The following SMYD1 variants were observed in gnomAD, a reference collection of about 807,000 sequenced individuals.
SMYD1 encodes the protein SET and MYND domain containing 1.
A neutral mutation model predicts 54.0 loss-of-function variants in SMYD1; 49 were observed. The observed-to-expected ratio is 0.91, with a 90% confidence interval of 0.72 to 1.15. SMYD1 has a LOEUF of 1.15. Among genes scored for constraint, SMYD1 ranks in the 50% most tolerant of loss-of-function variants. The pLI is 0.00. For synonymous variants in SMYD1, 269 were observed against 234.2 expected (o/e 1.15, Z -1.36); for missense variants, 653 against 639.6 (o/e 1.02, Z -0.23).
intron 7 of SMYD1, among the ~76,000 whole-genome samples, chr2:88,104,154 G>T (rs900894460): frequency 1.3e-5 from 2 of 152,052 alleles, no homozygotes; most frequent in African/African-American, 4.8e-5. Context: ...TTTCAGTAGA[G>T]AAGGGGTTTC....
At chr2:88,084,025 C>T (rs762397119) in intron 1 of SMYD1, among the ~76,000 whole-genome samples, 8 of 151,874 alleles carry the variant, frequency 5.3e-5, no homozygotes, top group Non-Finnish European at 7.4e-5. Context: ...ACCTGGGAGG[C>T]GGAGGTTGCA....
chr2:88,112,065 C>T lies in SMYD1; in HGVS notation c.*1553C>T. ...ACTTTTGCAAAATACTTGTATCTGACACTTAGGTCTTGTTTGAAGAATTTC... is the reference window on the plus strand; with the variant it reads ...ACTTTTGCAAAATACTTGTATCTGATACTTAGGTCTTGTTTGAAGAATTTC... On this transcript the variant is annotated 3_prime_UTR_variant, in exon 10 of 10. Transcript: ENST00000419482. The T allele has an allele frequency of 1.4e-6, 1 of 703,170 alleles. No homozygotes were observed. 43.6% of individuals were successfully genotyped at this position (703,170 alleles called of 1,614,324 possible). A position where few individuals can be genotyped will look rare whatever the true frequency, so the allele number is the denominator to read the frequency against.
chr2:88,084,458 A>T lies in SMYD1; in HGVS notation c.280A>T (p.Lys94Ter). The part of the protein sequence containing the change: ...LNHKNECSAI[K>*]RYGKVPNENI... ...CCACAAGAATGAATGTTCGGCCATC[A>T]AGAGATATGGGAAGGTGCCCAATGA... is the stretch of plus-strand genomic sequence containing the variant. Residue 94 changes from lysine (K) to a stop codon, truncating the protein, a stop_gained, in exon 2 of 10, where the codon AAG becomes TAG. Transcript: ENST00000419482. LOFTEE classifies it high-confidence loss of function. The T allele has an allele frequency of 6.2e-7, 1 of 1,603,302 alleles. No homozygotes were observed. Among genetic ancestry groups the T allele is most frequent in the Non-Finnish European group, 8.5e-7 (1 of 1,171,282 alleles).
intron 8 of SMYD1, among the ~76,000 whole-genome samples, chr2:88,106,803 T>A (rs983983156): frequency 6.6e-6 from 1 of 152,174 alleles, no homozygotes; most frequent in Non-Finnish European, 1.5e-5. Context: ...TTTTAAGTGA[T>A]TGGACCCTGC....
intron 5 of SMYD1, among the ~76,000 whole-genome samples, chr2:88,095,840 C>G (rs886797165): frequency 7.9e-5 from 12 of 152,162 alleles, no homozygotes; most frequent in African/African-American, 2.7e-4. Flanking sequence ...GGGTTTTTAC[C>G]TTCAACATCT....
chr2:88,096,662 C>T lies in SMYD1; in HGVS notation c.766C>T (p.Leu256Phe), dbSNP rs746868118. 2.5e-6 allele frequency: 4 copies of T among 1,614,192 alleles called. No homozygotes were observed. The South Asian group carries it at 3.3e-5, about 13-fold the overall frequency. ...GCTGACTGTGTCCTATATTGACTTCCTCAACGTTAGTGAAGAACGCAAGAG... is the reference window on the plus strand; with the variant it reads ...GCTGACTGTGTCCTATATTGACTTCTTCAACGTTAGTGAAGAACGCAAGAG... ...EELTVSYIDF[L>F]NVSEERKRQL... Residue 256 changes from leucine (L) to phenylalanine (F), a missense_variant, in exon 6 of 10, where the codon CTC becomes TTC. By Grantham distance (22) the Leu-to-Phe change is conservative. Coordinates refer to ENST00000419482, the MANE Select transcript of SMYD1 (RefSeq NM_198274.4).
At chr2:88,100,735 C>T (rs760826099) in intron 6 of SMYD1, among the ~76,000 whole-genome samples, 2 of 152,166 alleles carry the variant, frequency 1.3e-5, no homozygotes, top group African/African-American at 2.4e-5. Context: ...TTCCGGGGCA[C>T]AAGGCAGCAG....
intron 1 of SMYD1, among the ~76,000 whole-genome samples, chr2:88,079,934 G>A (rs1674151798): frequency 6.6e-6 from 1 of 152,160 alleles, no homozygotes; most frequent in Non-Finnish European, 1.5e-5. Context: ...AAATCCATAA[G>A]GGTCTAAGTT....
chr2:88,088,150 T>C (rs1674383603), intron 3 of SMYD1, 75 bp downstream of exon 3: 1 of 1,434,552 alleles, frequency 7.0e-7, no homozygotes, highest in Admixed American at 2.3e-5. Context: ...TTGGGGAGGG[T>C]GGGGCTTCTC....
intron 1 of SMYD1, among the ~76,000 whole-genome samples, chr2:88,075,138 G>A (rs959475489): frequency 1.3e-5 from 2 of 152,188 alleles, no homozygotes; most frequent in Non-Finnish European, 2.9e-5. Flanking sequence ...AACCACAGTC[G>A]ACTTAGAATT....
At chr2:88,108,950 G>C (rs1366003254) in intron 9 of SMYD1, among the ~76,000 whole-genome samples, 2 of 152,176 alleles carry the variant, frequency 1.3e-5, no homozygotes, top group African/African-American at 4.8e-5. Flanking sequence ...TGTGAACTCA[G>C]AGCGACAACT....
At position 88,111,998 on chromosome 2, in the gene SMYD1, C is replaced by G; in HGVS notation, c.*1486C>G. ...CCACATGATGACCTGCTGTGTCCCTCTGAGCACTACCCAGTGGCTGAAAAC... is the reference window on the plus strand; with the variant it reads ...CCACATGATGACCTGCTGTGTCCCTGTGAGCACTACCCAGTGGCTGAAAAC... On this transcript the variant is annotated 3_prime_UTR_variant, in exon 10 of 10. Transcript: ENST00000419482. 2.9e-6 allele frequency: 2 copies of G among 699,904 alleles called. No individual in the cohort carries two copies. 43.4% of individuals were successfully genotyped at this position (699,904 alleles called of 1,614,324 possible).
At chr2:88,071,677 A>C (rs866563411) in intron 1 of SMYD1, among the ~76,000 whole-genome samples, 4 of 152,316 alleles carry the variant, frequency 2.6e-5, no homozygotes, top group Non-Finnish European at 5.9e-5. Flanking sequence ...TCTATTTGCC[A>C]TCCTCTTAGG....
intron 7 of SMYD1, 149 bp downstream of exon 7, chr2:88,103,299 C>G: frequency 1.6e-6 from 1 of 633,662 alleles, no homozygotes; most frequent in Non-Finnish European, 2.8e-6. Context: ...TGGTTGAGAT[C>G]ATGACTCTTC....
Position 88,108,440 on chromosome 2 carries a change from T to C in SMYD1, c.1215T>C (p.His405=), listed in dbSNP as rs2970918. Reference sequence around the variant, plus strand: ...TGCGGGCAGGGCTGACCAACTGGCATGCTGGTAACATTGAGGTGGGGCACG... The same window carrying C: ...TGCGGGCAGGGCTGACCAACTGGCACGCTGGTAACATTGAGGTGGGGCACG... The part of the protein sequence containing the change: ...AVMRAGLTNW[H]AGNIEVGHGM... The change falls in exon 9 of 10, where the codon CAT becomes CAC. Residue 405 remains histidine, a synonymous_variant. Coordinates refer to ENST00000419482, the MANE Select transcript of SMYD1 (RefSeq NM_198274.4). 358,362 of 1,612,032 alleles carry C rather than the reference T, an allele frequency of 0.22. 47,430 individuals are homozygous for C. Among genetic ancestry groups the C allele is most frequent in the East Asian group, 0.48 (21,611 of 44,646 alleles).
intron 6 of SMYD1, among the ~76,000 whole-genome samples, chr2:88,101,042 T>A (rs1674708332): frequency 6.6e-6 from 1 of 152,180 alleles, no homozygotes; most frequent in Admixed American, 6.5e-5. Flanking sequence ...AGTACCCCTT[T>A]CCTTAGGAGA....
chr2:88,068,135 G>T, intron 1 of SMYD1, 134 bp downstream of exon 1: 2 of 1,259,392 alleles, frequency 1.6e-6, no homozygotes, highest in Non-Finnish European at 2.2e-6. Flanking sequence ...TGGCACTTCT[G>T]AGAGCTAATT....
At position 88,087,858 on chromosome 2, in the gene SMYD1, A is replaced by G; in HGVS notation, c.315-4A>G. The G allele has an allele frequency of 6.4e-7, 1 of 1,565,044 alleles. No individual in the cohort carries two copies. ...GTGGCCTCCTGACGCTGCCCTTCCC[A>G]CAGGCTGGCGGCGCGCATCATGTGG... On this transcript the variant is annotated splice_region_variant and splice_polypyrimidine_tract_variant and intron_variant, in intron 2 of 9. Transcript: ENST00000419482.
chr2:88,090,750 C>A (rs966115677), intron 3 of SMYD1, among the ~76,000 whole-genome samples: 1 of 152,148 alleles, frequency 6.6e-6, no homozygotes, highest in African/African-American at 2.4e-5. Flanking sequence ...ATATTTCCAC[C>A]TTTGACTCTT....
Sources: allele counts gnomAD v4.1 joint callset (sites outside exome capture counted in the v4.1 genomes callset), GRCh38; gene constraint gnomAD v4.1.1; transcripts MANE v1.5; gene names NCBI Gene and HGNC (gene_info 2026-07-23, HGNC 2026-07-21).